DOCK8: variants seen among roughly 807,000 people sequenced by gnomAD.
DOCK8 encodes the protein dedicator of cytokinesis protein 8.
In DOCK8, 141 loss-of-function variants were observed where a neutral mutation model predicts 245.6. The observed-to-expected ratio is 0.57, with a 90% CI of 0.50 to 0.66. The LOEUF is 0.66. DOCK8 is among the 30% of genes least tolerant of loss of function. The pLI, the probability that DOCK8 is intolerant of heterozygous loss-of-function variation, is 0.00. For missense variants in DOCK8, 2,965 were observed against 2,603.4 expected (o/e 1.14, Z -3.02); for synonymous variants, 1,168 against 970.2 (o/e 1.20, Z -3.79).
intron 2 of DOCK8, among the ~76,000 whole-genome samples, chr9:281,588 A>G (rs1176496877): frequency 1.3e-5 from 2 of 151,318 alleles, no homozygotes; most frequent in African/African-American, 4.9e-5. Flanking sequence ...TCTCTCCAAT[A>G]TTTGTTTTCT....
intron 41 of DOCK8, among the ~76,000 whole-genome samples, 194 bp from the exon 42 acceptor site, chr9:441,681 C>T (rs1321187644): frequency 1.3e-5 from 2 of 152,190 alleles, no homozygotes; most frequent in African/African-American, 4.8e-5. Flanking sequence ...AGAAATCTTT[C>T]ATGGGATTCC....
At chr9:308,686 CTTG>C (rs2049958391) in intron 5 of DOCK8, among the ~76,000 whole-genome samples, 2 of 152,134 alleles carry the variant, frequency 1.3e-5, no homozygotes, top group Non-Finnish European at 2.9e-5. Context: ...GAGACAGAGT[CTTG>C]CTCTGTCGCC....
chr9:307,338 G>GTTTTTTTTTTTTTTTTTTTTTTT (rs1165775428), intron 5 of DOCK8, among the ~76,000 whole-genome samples: 1 of 51,244 alleles, frequency 2.0e-5, no homozygotes. Flanking sequence ...GGTTTTTTTT[G>GTTTTTTTTTTTTTTTTTTTTTTT]TTTTTTTTTT....
chr9:280,415 G>A lies in DOCK8; in HGVS notation c.157-6046G>A, dbSNP rs771213846. ...AGGTTCACTCAGAGAAACAGAAGCTGTAGGAAATCCATATGGATGTGTGTG... is the reference window on the plus strand; with the variant it reads ...AGGTTCACTCAGAGAAACAGAAGCTATAGGAAATCCATATGGATGTGTGTG... On this transcript the variant is annotated intron_variant, in intron 2 of 47. Transcript: ENST00000432829. 7.2e-5 allele frequency among the ~76,000 whole-genome samples: 11 copies of A among 152,342 alleles called. 1 individual carries two copies. The highest frequency in any genetic ancestry group is 6.8e-3 in the Middle Eastern group (2 of 294).
At chr9:450,377 C>T (rs1453199973) in intron 45 of DOCK8, among the ~76,000 whole-genome samples, 1 of 152,100 alleles carries the variant, frequency 6.6e-6, no homozygotes, top group Non-Finnish European at 1.5e-5. Flanking sequence ...ACCCAGCATG[C>T]CAAGGACCTT....
intron 15 of DOCK8, 175 bp from the exon 16 acceptor site, chr9:370,055 G>C (rs192243235): frequency 1.5e-6 from 1 of 652,752 alleles, no homozygotes; most frequent in East Asian, 2.8e-5. Flanking sequence ...CTCCCACGCC[G>C]ACCTCCCAGA....
intron 1 of DOCK8, 182 bp downstream of exon 1, chr9:215,211 T>C (rs757174142): frequency 3.3e-6 from 5 of 1,534,136 alleles, no homozygotes; most frequent in Admixed American, 4.0e-5. Flanking sequence ...GCGCGGCGGC[T>C]CCTGCGCTGG....
chr9:254,500 T>A (rs534641050), intron 1 of DOCK8, among the ~76,000 whole-genome samples: 142 of 152,326 alleles, frequency 9.3e-4, no homozygotes, highest in African/African-American at 3.3e-3. Context: ...CTCTTCCTTC[T>A]TTCCTCCTTT....
chr9:338,329 A>AG (rs2051415343), intron 12 of DOCK8, among the ~76,000 whole-genome samples: 1 of 152,204 alleles, frequency 6.6e-6, no homozygotes, highest in Non-Finnish European at 1.5e-5. Flanking sequence ...AGGGATGCTG[A>AG]GGGCGCCTGT....
At chr9:247,340 C>G (rs755351806) in intron 1 of DOCK8, among the ~76,000 whole-genome samples, 7 of 151,894 alleles carry the variant, frequency 4.6e-5, no homozygotes, top group Non-Finnish European at 8.8e-5. Context: ...TAATCAAATA[C>G]GACAAGTTAG....
intron 1 of DOCK8, among the ~76,000 whole-genome samples, chr9:261,541 A>G (rs1156573676): frequency 6.6e-6 from 1 of 152,194 alleles, no homozygotes; most frequent in Non-Finnish European, 1.5e-5. Context: ...TATGGTCAAT[A>G]TGTAAATGTT....
intron 29 of DOCK8, 86 bp downstream of exon 29, chr9:415,037 A>C: frequency 6.5e-7 from 1 of 1,550,154 alleles, no homozygotes; most frequent in African/African-American, 1.4e-5. Context: ...CATTCGTTCC[A>C]GTGCTGATAT....
rs144639028 is a variant in DOCK8, at chr9:276,902, A to G, written c.156+5173A>G. ...TGGCTCACTACAACCTCCGCCTCCC[A>G]GGCTCAAGCGATTCTCCTGCCTCAG... On this transcript the variant is annotated intron_variant, in intron 2 of 47. Coordinates refer to ENST00000432829, the MANE Select transcript of DOCK8 (RefSeq NM_203447.4). 1.5e-3 allele frequency: 376 copies of G among 251,990 alleles called. 3 individuals carry two copies. Among genetic ancestry groups the G allele is most frequent in the African/African-American group, 8.2e-3 (359 of 43,520 alleles). The allele number at this position is 251,990 out of a possible 1,614,324, so 15.6% of individuals were successfully genotyped here. A position where few individuals can be genotyped will look rare whatever the true frequency, so the allele number is the denominator to read the frequency against.
intron 1 of DOCK8, among the ~76,000 whole-genome samples, chr9:252,938 G>T (rs554913689): frequency 6.6e-6 from 1 of 152,280 alleles, no homozygotes; most frequent in African/African-American, 2.4e-5. Context: ...GGATGAAGTT[G>T]GTCCTAGGGT....
intron 8 of DOCK8, among the ~76,000 whole-genome samples, chr9:327,121 C>A (rs982667258): frequency 3.3e-5 from 5 of 152,180 alleles, no homozygotes; most frequent in Admixed American, 3.3e-4. Context: ...TCAAGCTAGA[C>A]CGCTGACTAA....
chr9:343,916 C>A (rs533348940), intron 14 of DOCK8, among the ~76,000 whole-genome samples: 1 of 152,200 alleles, frequency 6.6e-6, no homozygotes, highest in Non-Finnish European at 1.5e-5. Flanking sequence ...GTTCTCTACT[C>A]GTTCCTGCAA....
chr9:250,161 G>T (rs1022920728), intron 1 of DOCK8, among the ~76,000 whole-genome samples: 6 of 152,172 alleles, frequency 3.9e-5, no homozygotes, highest in African/African-American at 1.4e-4. Context: ...GAGCATGTAG[G>T]GTTCAAGATG....
Position 406,643 on chromosome 9 carries a change from A to G in DOCK8, c.3391-287A>G, listed in dbSNP as rs74402179. On this transcript the variant is annotated intron_variant, in intron 27 of 47. Coordinates refer to ENST00000432829, the MANE Select transcript of DOCK8 (RefSeq NM_203447.4). Reference sequence around the variant, plus strand: ...CTTTTATGCTAGGATTTTTATCTTCAGCTTTTGATTTCAGGTGGGAAAGGG... The same window carrying G: ...CTTTTATGCTAGGATTTTTATCTTCGGCTTTTGATTTCAGGTGGGAAAGGG... Among the ~76,000 whole-genome samples, 2,884 of 152,094 alleles carry G rather than the reference A, an allele frequency of 0.019. 82 individuals are homozygous for G. The highest frequency in any genetic ancestry group is 0.064 in the African/African-American group (2,672 of 41,472).
At chr9:395,560 A>C (rs2054411290) in intron 24 of DOCK8, among the ~76,000 whole-genome samples, 1 of 150,902 alleles carries the variant, frequency 6.6e-6, no homozygotes, top group African/African-American at 2.5e-5. Context: ...TAGTAGTAGT[A>C]GTAGTATTGC....
Sources: gnomAD v4.1 joint callset for allele counts (sites outside exome capture counted in the v4.1 genomes callset) on GRCh38, gnomAD v4.1.1 for gene constraint, MANE v1.5 for transcripts, NCBI Gene and HGNC (gene_info 2026-07-23, HGNC 2026-07-21) for gene names.